RIMS2: variants seen among roughly 807,000 people sequenced by gnomAD.
The protein encoded by RIMS2 is regulating synaptic membrane exocytosis protein 2.
A neutral mutation model predicts 174.4 loss-of-function variants in RIMS2; 59 were observed. That is an observed-to-expected ratio of 0.34 (90% confidence interval 0.27 to 0.42). The LOEUF (loss-of-function observed/expected upper bound fraction) is 0.42. Ranked by LOEUF, RIMS2 falls within the 10% of genes least tolerant of loss-of-function variation. RIMS2 has a pLI of 1.00. For synonymous variants in RIMS2, 606 were observed against 572.5 expected, an observed-to-expected ratio of 1.06 and a Z score of -0.84; for missense variants, 1,620 against 1,666.3, an observed-to-expected ratio of 0.97 and a Z score of 0.48.
At chr8:104,046,190 G>A (rs2096691451) in intron 19 of RIMS2, among the ~76,000 whole-genome samples, 1 of 151,952 alleles carries the variant, frequency 6.6e-6, no homozygotes, top group African/African-American at 2.4e-5. Flanking sequence ...TGTCTGGCTA[G>A]GGCCTGCTTT....
At chr8:103,602,857 G>C (rs905990975) in intron 1 of RIMS2, among the ~76,000 whole-genome samples, 2 of 152,030 alleles carry the variant, frequency 1.3e-5, no homozygotes, top group Non-Finnish European at 2.9e-5. Context: ...TGGTAATTCT[G>C]TTTTATGTTA....
chr8:103,691,551 T>A (rs2097025282), intron 1 of RIMS2, among the ~76,000 whole-genome samples: 1 of 152,238 alleles, frequency 6.6e-6, no homozygotes. Context: ...TCAATCTCTT[T>A]GTTAAATTTA....
At chr8:103,872,382 T>A (rs975011149) in intron 3 of RIMS2, among the ~76,000 whole-genome samples, 1 of 152,232 alleles carries the variant, frequency 6.6e-6, no homozygotes. Flanking sequence ...GTTGTTAATT[T>A]ACTAATGAGC....
chr8:103,934,889 G>C (rs1420379817), intron 12 of RIMS2, among the ~76,000 whole-genome samples: 2 of 151,972 alleles, frequency 1.3e-5, no homozygotes, highest in East Asian at 3.9e-4. Context: ...GGTAGAGACG[G>C]GGTTTCACCA....
In RIMS2 at chr8:103,638,225, A is replaced by G. The variant is rs1258142980; in HGVS notation, c.177-58861A>G. Among the ~76,000 whole-genome samples, 13 of 152,294 alleles carry G rather than the reference A, an allele frequency of 8.5e-5. No homozygotes were observed. In the East Asian group the frequency reaches 2.3e-3, roughly 27 times the overall value. ...AAGCTCCACCACTTGAAGAAAGGGT[A>G]TAAAATAATTTTTAGACATCAAAAC... On this transcript the variant is annotated intron_variant, in intron 1 of 23. Transcript: ENST00000504942.
In RIMS2 at chr8:103,620,447, T is replaced by A. The variant is rs187790476; in HGVS notation, c.177-76639T>A. 6.5e-3 allele frequency among the ~76,000 whole-genome samples: 982 copies of A among 152,194 alleles called. 12 individuals are homozygous for A. Among genetic ancestry groups the A allele is most frequent in the African/African-American group, 0.022 (900 of 41,538 alleles). Reference sequence around the variant, plus strand: ...TTAAAAGCTATAATTTAAAAAAAAATGCCTAAATTTCTATGACTACTTACT... The same window carrying A: ...TTAAAAGCTATAATTTAAAAAAAAAAGCCTAAATTTCTATGACTACTTACT... On this transcript the variant is annotated intron_variant, in intron 1 of 23. Coordinates refer to ENST00000504942, the Ensembl canonical transcript of RIMS2.
At chr8:104,062,029 T>G (rs1440661688) in intron 19 of RIMS2, among the ~76,000 whole-genome samples, 1 of 152,076 alleles carries the variant, frequency 6.6e-6, no homozygotes, top group African/African-American at 2.4e-5. Flanking sequence ...CATTTTTAAG[T>G]TTTTTTCATA....
intron 4 of RIMS2, among the ~76,000 whole-genome samples, chr8:103,904,199 A>G (rs1311027955): frequency 6.6e-6 from 1 of 152,114 alleles, no homozygotes; most frequent in African/African-American, 2.4e-5. Context: ...ATCATACAGT[A>G]TGTGACATTT....
chr8:104,077,505 A>C (rs1434525583), intron 19 of RIMS2, among the ~76,000 whole-genome samples: 1 of 151,574 alleles, frequency 6.6e-6, no homozygotes, highest in Non-Finnish European at 1.5e-5. Context: ...TTTCTACCCA[A>C]AATTCTTATT....
At chr8:103,519,513 C>T (rs1200651226) in intron 1 of RIMS2, among the ~76,000 whole-genome samples, 1 of 152,036 alleles carries the variant, frequency 6.6e-6, no homozygotes, top group Non-Finnish European at 1.5e-5. Flanking sequence ...TCAGCTTTGT[C>T]CCAGCTCTTA....
At chr8:104,174,684 C>T (rs1029774735) in intron 19 of RIMS2, among the ~76,000 whole-genome samples, 4 of 152,048 alleles carry the variant, frequency 2.6e-5, no homozygotes, top group South Asian at 2.1e-4. Context: ...TATGAGGAAA[C>T]TAAAGAAGCA....
chr8:103,960,295 A>G, intron 14 of RIMS2, among the ~76,000 whole-genome samples: 1 of 152,236 alleles, frequency 6.6e-6, no homozygotes, highest in East Asian at 1.9e-4. Context: ...TTTTTGCCAC[A>G]GTAAGATTCA....
intron 1 of RIMS2, among the ~76,000 whole-genome samples, chr8:103,586,257 T>C (rs1199470899): frequency 6.6e-6 from 1 of 152,180 alleles, no homozygotes; most frequent in Non-Finnish European, 1.5e-5. Context: ...ATCTAATATT[T>C]ATTTACAGAG....
At chr8:104,174,635 C>A (rs2098862566) in intron 19 of RIMS2, among the ~76,000 whole-genome samples, 1 of 152,126 alleles carries the variant, frequency 6.6e-6, no homozygotes, top group South Asian at 2.1e-4. Flanking sequence ...CACAGTTGCT[C>A]TTTACAGTAG....
chr8:103,820,975 T>C (rs1249743739), intron 3 of RIMS2, among the ~76,000 whole-genome samples: 1 of 151,466 alleles, frequency 6.6e-6, no homozygotes, highest in Admixed American at 6.6e-5. Context: ...GACCTGAAGC[T>C]ACCAGAGTTT....
At chr8:103,944,357 A>G (rs1384011820) in intron 14 of RIMS2, among the ~76,000 whole-genome samples, 1 of 152,088 alleles carries the variant, frequency 6.6e-6, no homozygotes, top group East Asian at 1.9e-4. Context: ...ATTACAGTGT[A>G]GGATGGTGGG....
chr8:104,093,332 C>A, intron 19 of RIMS2, 139 bp from the exon 24 acceptor site: 1 of 559,604 alleles, frequency 1.8e-6, no homozygotes, highest in Non-Finnish European at 3.1e-6. Context: ...TTGCCATTCA[C>A]TTTTGTTTTA....
At chr8:103,600,703 G>A (rs1452935239) in intron 1 of RIMS2, among the ~76,000 whole-genome samples, 1 of 152,184 alleles carries the variant, frequency 6.6e-6, no homozygotes, top group African/African-American at 2.4e-5. Context: ...TGTTTTGGCT[G>A]TGTAACCATC....
At chr8:103,563,304 C>T (rs1034956888) in intron 1 of RIMS2, among the ~76,000 whole-genome samples, 3 of 152,180 alleles carry the variant, frequency 2.0e-5, no homozygotes, top group Non-Finnish European at 4.4e-5. Context: ...GCACCCAAGT[C>T]ACATCTTGAA....
Sources: allele counts gnomAD v4.1 joint callset (sites outside exome capture counted in the v4.1 genomes callset), GRCh38; gene constraint gnomAD v4.1.1; transcripts MANE v1.5; gene names NCBI Gene and HGNC (gene_info 2026-07-23, HGNC 2026-07-21).